SIM1: variants seen among roughly 807,000 people sequenced by gnomAD.
The protein encoded by SIM1 is single-minded homolog 1.
A neutral mutation model predicts 78.2 loss-of-function variants in SIM1; 18 were observed. The ratio of observed to expected loss-of-function variants is 0.23; its 90% CI spans 0.16 to 0.34. The LOEUF is 0.34. Ranked by LOEUF, SIM1 falls within the 10% of genes least tolerant of loss-of-function variation. The pLI is 1.00. For synonymous variants in SIM1, 417 were observed against 385.2 expected (o/e 1.08, Z -0.97); for missense variants, 939 against 975.1 (o/e 0.96, Z 0.49).
At position 100,388,633 on chromosome 6, in the gene SIM1, T is replaced by C. The variant is rs1286808016; in HGVS notation, c.*1728A>G. 2 of 152,326 alleles carry C rather than the reference T, an allele frequency of 1.3e-5. No homozygotes were observed. The highest frequency in any genetic ancestry group is 2.9e-5 in the Non-Finnish European group (2 of 68,024). The allele number at this position is 152,326 out of a possible 1,614,324, so 9.4% of individuals were successfully genotyped here. ...GTGTTAAATGATGAAAATATACTAC[T>C]AATCCCTGAGTATTCAATTTCATGT... On this transcript the variant is annotated 3_prime_UTR_variant, in exon 12 of 12. Transcript: ENST00000369208.
intron 10 of SIM1, among the ~76,000 whole-genome samples, chr6:100,406,521 T>A (rs906947535): frequency 2.6e-5 from 4 of 152,178 alleles, no homozygotes; most frequent in African/African-American, 9.7e-5. Context: ...ATTTGTAATT[T>A]TGTAAAAAGA....
chr6:100,405,376 TACTGAATCA>T (rs1229816831), intron 10 of SIM1, among the ~76,000 whole-genome samples: 3 of 152,058 alleles, frequency 2.0e-5, no homozygotes, highest in African/African-American at 7.2e-5. Flanking sequence ...AGATGGTAAA[TACTGAATCA>T]AAATTCAGTT....
chr6:100,434,706 G>A (rs1033094843), intron 9 of SIM1, among the ~76,000 whole-genome samples: 1 of 152,198 alleles, frequency 6.6e-6, no homozygotes, highest in African/African-American at 2.4e-5. Context: ...TTGGAGAGAT[G>A]TAAAAAGTGG....
At chr6:100,455,769 C>T (rs1772634527) in intron 2 of SIM1, among the ~76,000 whole-genome samples, 1 of 152,180 alleles carries the variant, frequency 6.6e-6, no homozygotes, top group Non-Finnish European at 1.5e-5. Flanking sequence ...GCGCGGTTCC[C>T]GAAGGGTGCG....
At chr6:100,396,082 T>G (rs117904127) in intron 10 of SIM1, 7 of 984,836 alleles carry the variant, frequency 7.1e-6, no homozygotes, top group Non-Finnish European at 6.0e-6. Context: ...CATGCCATCA[T>G]CCTCTTCTTC....
chr6:100,441,527 G>A (rs569425609), intron 9 of SIM1, among the ~76,000 whole-genome samples: 51 of 152,180 alleles, frequency 3.4e-4, no homozygotes, highest in African/African-American at 1.1e-3. Context: ...CTGACATTTC[G>A]GTTAACTCTT....
rs755621081 is a variant in SIM1, at chr6:100,393,730, T to C, written c.1327A>G (p.Ser443Gly). 20 of 1,614,072 alleles carry C rather than the reference T, an allele frequency of 1.2e-5. No individual in the cohort carries two copies. In the East Asian group the frequency reaches 4.0e-4, roughly 32 times the overall value. The change falls in exon 11 of 12, where the codon AGC becomes GGC. Residue 443 changes from serine (S) to glycine (G), a missense_variant. Coordinates refer to ENST00000369208, the MANE Select transcript of SIM1 (RefSeq NM_005068.3). Reference protein sequence around the residue: ...SCAYRQFSDRSSLCYGFALDH... With the variant: ...SCAYRQFSDRGSLCYGFALDH... ...AGCGCAAAGCCATAGCAGAGAGAGCTGCGGTCCGAAAACTGTCTGTAGGCG... is the reference window on the plus strand; with the variant it reads ...AGCGCAAAGCCATAGCAGAGAGAGCCGCGGTCCGAAAACTGTCTGTAGGCG...
At chr6:100,403,142 A>G (rs1416276233) in intron 10 of SIM1, among the ~76,000 whole-genome samples, 1 of 152,182 alleles carries the variant, frequency 6.6e-6, no homozygotes, top group South Asian at 2.1e-4. Context: ...TTTAAGTTTT[A>G]GTTTTCAAAA....
chr6:100,444,213 G>A (rs1772293555), intron 9 of SIM1, among the ~76,000 whole-genome samples: 1 of 151,924 alleles, frequency 6.6e-6, no homozygotes, highest in African/African-American at 2.4e-5. Context: ...GAAAACTCAC[G>A]TAGGTCTTTA....
rs1770551221 is a variant in SIM1, at chr6:100,387,966, C to T, written c.*2395G>A. On this transcript the variant is annotated 3_prime_UTR_variant, in exon 12 of 12. Coordinates refer to ENST00000369208, the MANE Select transcript of SIM1 (RefSeq NM_005068.3). ...ATACCCATCTGTGAAAATTACCTTT[C>T]CAAAATACACCATATTCATCAAATA... 6.6e-6 allele frequency: 1 copy of T among 152,136 alleles called. No individual in the cohort carries two copies. Among genetic ancestry groups the T allele is most frequent in the Admixed American group, 6.6e-5 (1 of 15,262 alleles). The allele number at this position is 152,136 out of a possible 1,614,324, so 9.4% of individuals were successfully genotyped here.
intron 10 of SIM1, among the ~76,000 whole-genome samples, chr6:100,412,620 GAAGGAAAGAAAGAAAGAAAAGAAAGAA>G (rs1771244218): frequency 6.9e-5 from 6 of 86,674 alleles, no homozygotes; most frequent in Admixed American, 2.7e-4. Context: ...AGGAAAGAAA[GAAGGAAAGAAAGAAAGAAAAGAAAGAA>G]AGAAAGAAAG....
intron 9 of SIM1, among the ~76,000 whole-genome samples, chr6:100,430,756 AT>A (rs1771879581): frequency 6.6e-6 from 1 of 152,112 alleles, no homozygotes; most frequent in South Asian, 2.1e-4. Context: ...AACACCTTAT[AT>A]TTGGTTGAGG....
intron 9 of SIM1, among the ~76,000 whole-genome samples, chr6:100,424,567 C>G (rs906348763): frequency 6.6e-6 from 1 of 152,040 alleles, no homozygotes; most frequent in African/African-American, 2.4e-5. Context: ...TCCCAAGTTG[C>G]TGGGACTACA....
intron 3 of SIM1, among the ~76,000 whole-genome samples, chr6:100,451,771 T>C (rs947943585): frequency 3.9e-5 from 6 of 152,194 alleles, no homozygotes; most frequent in African/African-American, 1.4e-4. Flanking sequence ...GGTGACATCA[T>C]TAACCAAGAT....
At chr6:100,423,695 A>G (rs1771651726) in intron 9 of SIM1, among the ~76,000 whole-genome samples, 1 of 152,220 alleles carries the variant, frequency 6.6e-6, no homozygotes, top group South Asian at 2.1e-4. Flanking sequence ...CCCAGTGACC[A>G]CTAATAACTT....
chr6:100,391,734 A>G (rs1361781800), intron 11 of SIM1, among the ~76,000 whole-genome samples: 2 of 152,234 alleles, frequency 1.3e-5, no homozygotes, highest in Non-Finnish European at 2.9e-5. Context: ...ATATGTAAGC[A>G]TGGATGGATA....
chr6:100,390,286 A>T lies in SIM1; in HGVS notation c.*75T>A. On this transcript the variant is annotated 3_prime_UTR_variant, in exon 12 of 12. Coordinates refer to ENST00000369208, the MANE Select transcript of SIM1 (RefSeq NM_005068.3). The stretch of plus-strand genomic sequence containing the variant: ...ACTCTCTAACAATCTGTGGCATAGT[A>T]AATGCTGGTAATGGGGTATTAAACT... The T allele has an allele frequency of 6.8e-7, 1 of 1,469,550 alleles. No homozygotes were observed. The highest frequency in any genetic ancestry group is 1.8e-4 in the Middle Eastern group (1 of 5,518). 91.0% of individuals were successfully genotyped at this position (1,469,550 alleles called of 1,614,324 possible).
chr6:100,464,144 T>C (rs1772929438), intron 1 of SIM1, among the ~76,000 whole-genome samples: 1 of 152,116 alleles, frequency 6.6e-6, no homozygotes, highest in Non-Finnish European at 1.5e-5. Flanking sequence ...AGCCGCATCC[T>C]CCAGACCCCT....
chr6:100,450,358 TG>T lies in SIM1; in HGVS notation c.259-3del. The T allele has an allele frequency of 6.2e-7, 1 of 1,613,784 alleles. No individual in the cohort carries two copies. Among genetic ancestry groups the T allele is most frequent in the Non-Finnish European group, 8.5e-7 (1 of 1,179,872 alleles). On this transcript the variant is annotated splice_polypyrimidine_tract_variant and splice_region_variant and intron_variant, in intron 3 of 11. Transcript: ENST00000369208. ...CACGAAGATGAAGCCATCCAGGGTC[TG>T]GGGAGGCACAAATAGAGAGAATAGA... is the stretch of plus-strand genomic sequence containing the variant.
Sources: allele counts gnomAD v4.1 joint callset (sites outside exome capture counted in the v4.1 genomes callset), GRCh38; gene constraint gnomAD v4.1.1; transcripts MANE v1.5; gene names NCBI Gene and HGNC (gene_info 2026-07-23, HGNC 2026-07-21).